The following DOP1B variants were observed in gnomAD, a reference collection of about 807,000 sequenced individuals.
The protein encoded by DOP1B is protein DOP1B.
DOP1B carries 174 observed loss-of-function variants against 233.5 expected under a neutral mutation model. That is an observed-to-expected ratio of 0.75 (90% CI 0.66 to 0.85). The LOEUF (loss-of-function observed/expected upper bound fraction) is 0.85. DOP1B is among the 40% of genes least tolerant of loss of function. DOP1B has a pLI of 0.00. For synonymous variants in DOP1B, 1,190 were observed against 1,185.6 expected (o/e 1.00, Z -0.08); for missense variants, 2,652 against 2,846.6 (o/e 0.93, Z 1.56).
chr21:36,278,533 CTT>C (rs1044719745), intron 30 of DOP1B, among the ~76,000 whole-genome samples, 178 bp downstream of exon 30: 12 of 152,100 alleles, frequency 7.9e-5, no homozygotes, highest in Admixed American at 6.6e-4. Flanking sequence ...GGGATCAAGT[CTT>C]TTAAAGTACA....
chr21:36,253,861 G>A lies in DOP1B; in HGVS notation c.5211G>A (p.Leu1737=). ...TGCAGACTGACACGCTGCTGCACCT[G>A]GTGAAGGAGGTGGTGAAGAGGCCAC... ...STLQTDTLLH[L]VKEVVKRPPQ... is the part of the protein sequence containing the mutation. Residue 1737 remains leucine (L), a synonymous_variant, in exon 23 of 37, where the codon CTG becomes CTA. Transcript: ENST00000691173. 6.2e-7 allele frequency: 1 copy of A among 1,614,064 alleles called. No homozygotes were observed. Among genetic ancestry groups the A allele is most frequent in the South Asian group, 1.1e-5 (1 of 91,084 alleles).
At chr21:36,176,468 T>C (rs1440411126) in intron 2 of DOP1B, among the ~76,000 whole-genome samples, 2 of 152,160 alleles carry the variant, frequency 1.3e-5, no homozygotes, top group African/African-American at 4.8e-5. Context: ...TTGTAGGGCA[T>C]CCTCTGTTAG....
At chr21:36,212,816 C>T (rs1031468040) in intron 7 of DOP1B, among the ~76,000 whole-genome samples, 1 of 152,196 alleles carries the variant, frequency 6.6e-6, no homozygotes, top group African/African-American at 2.4e-5. Context: ...GAGTTTCACT[C>T]CGTCGCCCAG....
At chr21:36,243,306 T>G (rs2066913673) in intron 18 of DOP1B, among the ~76,000 whole-genome samples, 2 of 151,966 alleles carry the variant, frequency 1.3e-5, no homozygotes, top group African/African-American at 4.8e-5. Flanking sequence ...TGAACACTGC[T>G]TATTTAAAAT....
At chr21:36,253,727 C>T (rs1043046493) in intron 22 of DOP1B, 45 bp from the exon 23 acceptor site, 2 of 1,578,226 alleles carry the variant, frequency 1.3e-6, no homozygotes, top group Admixed American at 3.5e-5. Context: ...CTTATTTTTA[C>T]TTTCTCTCTA....
intron 2 of DOP1B, among the ~76,000 whole-genome samples, chr21:36,167,318 GC>G (rs1376790265): frequency 6.6e-6 from 1 of 152,078 alleles, no homozygotes; most frequent in Non-Finnish European, 1.5e-5. Context: ...GATTAGAGGT[GC>G]CCGCCACCAG....
intron 10 of DOP1B, among the ~76,000 whole-genome samples, chr21:36,222,491 C>G (rs2066637145): frequency 1.3e-5 from 2 of 150,980 alleles, no homozygotes; most frequent in African/African-American, 4.9e-5. Context: ...GAGGCTGAGG[C>G]AGGAGAATCG....
rs567087083 is a variant in DOP1B, at chr21:36,268,311, C to T, written c.5488-1702C>T. ...TTTAGCGATATCTTCCCTACTTGCA[C>T]GTCTGTTTATAGGCTCTCTGCAAGA... On this transcript the variant is annotated intron_variant, in intron 26 of 36. Transcript: ENST00000691173. 1.5e-3 allele frequency among the ~76,000 whole-genome samples: 222 copies of T among 152,290 alleles called. 1 individual carries two copies. The highest frequency in any genetic ancestry group is 2.4e-3 in the Non-Finnish European group (163 of 68,018).
intron 2 of DOP1B, among the ~76,000 whole-genome samples, chr21:36,197,854 A>G (rs1160197928): frequency 2.6e-5 from 4 of 151,986 alleles, no homozygotes; most frequent in Admixed American, 2.6e-4. Flanking sequence ...TACTAAAAAT[A>G]CAAAAAATTA....
At chr21:36,237,474 C>T in intron 16 of DOP1B, 60 bp downstream of exon 16, 43 of 1,592,898 alleles carry the variant, frequency 2.7e-5, no homozygotes, top group Non-Finnish European at 3.6e-5. Flanking sequence ...TGTACGTGCC[C>T]TTAGCCAACT....
Position 36,293,669 on chromosome 21 carries a change from C to G in DOP1B, c.*98C>G. On this transcript the variant is annotated 3_prime_UTR_variant, in exon 37 of 37. Coordinates refer to ENST00000691173, the MANE Select transcript of DOP1B (RefSeq NM_001320714.2). ...AAGAAGGCAGGATAGTGCTTTTGAA[C>G]AAGCCTATTTCCATTTTGAAAGTAG... 1 of 1,362,210 alleles carries G rather than the reference C, an allele frequency of 7.3e-7. No individual in the cohort carries two copies. Among genetic ancestry groups the G allele is most frequent in the Non-Finnish European group, 1.0e-6 (1 of 981,948 alleles). 84.4% of individuals were successfully genotyped at this position (1,362,210 alleles called of 1,614,324 possible). A position where few individuals can be genotyped will look rare whatever the true frequency, so the allele number is the denominator to read the frequency against.
chr21:36,170,587 C>T (rs2065962968), intron 2 of DOP1B: 1 of 148,418 alleles, frequency 6.7e-6, no homozygotes, highest in Non-Finnish European at 1.5e-5. Flanking sequence ...CAGAGTGAGA[C>T]TCTGTCTAAA....
At chr21:36,168,266 C>G (rs549054013) in intron 2 of DOP1B, among the ~76,000 whole-genome samples, 1 of 152,134 alleles carries the variant, frequency 6.6e-6, no homozygotes, top group East Asian at 1.9e-4. Context: ...ATCCATTGAT[C>G]AGTTGATGGA....
chr21:36,247,046 A>AT (rs200241799), intron 19 of DOP1B, among the ~76,000 whole-genome samples: 2 of 151,980 alleles, frequency 1.3e-5, no homozygotes, highest in African/African-American at 4.8e-5. Flanking sequence ...CATCTGGCTA[A>AT]TTTTTTGTAT....
At chr21:36,203,389 GGTTTGGTAACT>G (rs1317354727) in intron 4 of DOP1B, among the ~76,000 whole-genome samples, 2 of 152,114 alleles carry the variant, frequency 1.3e-5, no homozygotes, top group Non-Finnish European at 2.9e-5. Flanking sequence ...AGTCTGAGAC[GGTTTGGTAACT>G]GTTCCCAGAA....
At position 36,230,608 on chromosome 21, in the gene DOP1B, A is replaced by G; in HGVS notation, c.1824A>G (p.Arg608=). ...PELSEHLRVP[R]VSLERDDVWK... ...TCTCTGAGCACTTGAGGGTTCCTCG[A>G]GTTTCTCTGGAAAGGGACGACGTTT... is the stretch of plus-strand genomic sequence containing the variant. The change falls in exon 14 of 37, where the codon CGA becomes CGG. Residue 608 remains arginine, a synonymous_variant. Coordinates refer to ENST00000691173, the MANE Select transcript of DOP1B (RefSeq NM_001320714.2). 1 of 1,614,148 alleles carries G rather than the reference A, an allele frequency of 6.2e-7. No individual in the cohort carries two copies. Among genetic ancestry groups the G allele is most frequent in the Non-Finnish European group, 8.5e-7 (1 of 1,180,016 alleles).
At chr21:36,268,019 C>G (rs923502531) in intron 26 of DOP1B, among the ~76,000 whole-genome samples, 1 of 152,102 alleles carries the variant, frequency 6.6e-6, no homozygotes, top group Non-Finnish European at 1.5e-5. Context: ...CTATGTTCAG[C>G]GGTGCACGTA....
chr21:36,248,422 A>C lies in DOP1B; in HGVS notation c.4852A>C (p.Asn1618His). Reference protein sequence around the residue: ...GDPANLRNARNAILEELPRTV... With the variant: ...GDPANLRNARHAILEELPRTV... ...TCCTGCCAACTTGAGGAATGCCAGAAATGCCATTTTGGAAGAGCTGCCTCG... is the reference window on the plus strand; with the variant it reads ...TCCTGCCAACTTGAGGAATGCCAGACATGCCATTTTGGAAGAGCTGCCTCG... Residue 1618 changes from asparagine (N) to histidine (H), a missense_variant, in exon 21 of 37, where the codon AAT becomes CAT. Physicochemically the swap from Asn to His is moderately conservative, Grantham distance 68. This residue lies in a region of DOP1B where 2,617 missense variants were observed against 2,794.3 expected (regional missense o/e 0.94). Transcript: ENST00000691173. 6.2e-7 allele frequency: 1 copy of C among 1,613,964 alleles called. No homozygotes were observed. Among genetic ancestry groups the C allele is most frequent in the Non-Finnish European group, 8.5e-7 (1 of 1,179,880 alleles).
At chr21:36,177,113 C>T (rs1394536919) in intron 2 of DOP1B, among the ~76,000 whole-genome samples, 1 of 152,146 alleles carries the variant, frequency 6.6e-6, no homozygotes, top group African/African-American at 2.4e-5. Flanking sequence ...GTGCCCAGTC[C>T]TAACTCCCAT....
Sources: allele counts gnomAD v4.1 joint callset (sites outside exome capture counted in the v4.1 genomes callset), GRCh38; gene constraint gnomAD v4.1.1; regional missense constraint gnomAD v4.1.1; transcripts MANE v1.5; gene names NCBI Gene and HGNC (gene_info 2026-07-23, HGNC 2026-07-21).